TENM4: variants seen among roughly 807,000 people sequenced by gnomAD.
TENM4 encodes the protein teneurin-4.
In TENM4, 82 loss-of-function variants were observed where a neutral mutation model predicts 243.3. That is an observed-to-expected ratio of 0.34 (90% CI 0.28 to 0.40). TENM4 has a LOEUF of 0.40. TENM4 is among the 10% of genes least tolerant of loss of function. TENM4 has a pLI of 1.00. For synonymous variants in TENM4, 1,412 were observed against 1,456.3 expected, an observed-to-expected ratio of 0.97 and a Z score of 0.69; for missense variants, 3,138 against 3,673.3, an observed-to-expected ratio of 0.85 and a Z score of 3.77.
intron 3 of TENM4, among the ~76,000 whole-genome samples, chr11:79,164,377 T>A (rs1357722068): frequency 7.9e-6 from 1 of 126,722 alleles, no homozygotes; most frequent in African/African-American, 3.0e-5. Context: ...ATATAATATA[T>A]AGTGTATATA....
chr11:79,056,695 C>T (rs1008200330), intron 6 of TENM4, among the ~76,000 whole-genome samples: 2 of 152,254 alleles, frequency 1.3e-5, no homozygotes, highest in Middle Eastern at 3.4e-3. Flanking sequence ...GTGAGGGAGT[C>T]AGGCACCAAG....
chr11:79,218,357 C>T (rs1255824079), intron 2 of TENM4, among the ~76,000 whole-genome samples: 1 of 151,706 alleles, frequency 6.6e-6, no homozygotes, highest in Non-Finnish European at 1.5e-5. Context: ...TCCCCAAATG[C>T]CAAATGTCTG....
rs1486204118 is a variant in TENM4 at position 78,658,221 on chromosome 11, C to G, written c.8147G>C (p.Gly2716Ala). 10 of 1,613,996 alleles carry G rather than the reference C, an allele frequency of 6.2e-6. No individual in the cohort carries two copies. The East Asian group carries it at 2.2e-4, about 36-fold the overall frequency. The change falls in exon 34 of 34, where the codon GGC becomes GCC. Residue 2716 changes from glycine to alanine, a missense_variant. Around this residue, in one of 2 missense-constraint regions of TENM4, gnomAD observed 2,467 missense variants for 3,059.1 expected, o/e 0.81. Coordinates refer to ENST00000278550, the MANE Select transcript of TENM4 (RefSeq NM_001098816.3). Reference protein sequence around the residue: ...EQQRLREGEEGLRAWTEGEKQ... With the variant: ...EQQRLREGEEALRAWTEGEKQ... ...CTCCCCCTCTGTCCAGGCCCGCAGGCCTTCCTCCCCTTCCCGCAGTCTCTG... is the reference window on the plus strand; with the variant it reads ...CTCCCCCTCTGTCCAGGCCCGCAGGGCTTCCTCCCCTTCCCGCAGTCTCTG...
chr11:78,826,750 C>T (rs544279215), intron 12 of TENM4, among the ~76,000 whole-genome samples: 33 of 152,194 alleles, frequency 2.2e-4, no homozygotes, highest in African/African-American at 7.7e-4. Flanking sequence ...AAAATGAGGT[C>T]AAAGAAAAAT....
chr11:78,845,935 A>G (rs1858382381), intron 12 of TENM4, among the ~76,000 whole-genome samples: 1 of 152,210 alleles, frequency 6.6e-6, no homozygotes, highest in Non-Finnish European at 1.5e-5. Context: ...TGTTCTATAA[A>G]TAAGTCAGAT....
At chr11:79,419,899 G>A (rs1443552432) in intron 1 of TENM4, among the ~76,000 whole-genome samples, 2 of 152,130 alleles carry the variant, frequency 1.3e-5, no homozygotes, top group African/African-American at 4.8e-5. Flanking sequence ...CAAGATACAA[G>A]GTGGGTGCGG....
chr11:79,079,846 A>T (rs1387919441), intron 4 of TENM4, among the ~76,000 whole-genome samples: 31 of 151,854 alleles, frequency 2.0e-4, no homozygotes, highest in African/African-American at 5.8e-4. Context: ...AAAAAAAAAA[A>T]AAAGAAGAAA....
At chr11:79,268,245 T>G (rs1855912631) in intron 2 of TENM4, among the ~76,000 whole-genome samples, 1 of 152,226 alleles carries the variant, frequency 6.6e-6, no homozygotes, top group Non-Finnish European at 1.5e-5. Flanking sequence ...ATATGACCTC[T>G]GTTGCAACTA....
intron 32 of TENM4, among the ~76,000 whole-genome samples, chr11:78,668,044 G>C (rs1007931935): frequency 2.0e-5 from 3 of 152,234 alleles, no homozygotes; most frequent in African/African-American, 7.2e-5. Flanking sequence ...GGAAGGCAGA[G>C]CTCACTTTTC....
At chr11:78,977,387 C>T (rs1857686005) in intron 6 of TENM4, among the ~76,000 whole-genome samples, 1 of 152,212 alleles carries the variant, frequency 6.6e-6, no homozygotes, top group Admixed American at 6.5e-5. Flanking sequence ...TAGTGCTCAA[C>T]ACATAACACT....
At chr11:78,757,074 T>A in intron 18 of TENM4, 53 bp from the exon 19 acceptor site, 1 of 1,532,184 alleles carries the variant, frequency 6.5e-7, no homozygotes, top group Non-Finnish European at 8.9e-7. Flanking sequence ...ATCAGCCATG[T>A]TTATCCAGAA....
chr11:78,841,003 T>C (rs1858245859), intron 12 of TENM4, among the ~76,000 whole-genome samples: 1 of 152,206 alleles, frequency 6.6e-6, no homozygotes, highest in African/African-American at 2.4e-5. Flanking sequence ...GGTATAACAC[T>C]TAGCATGCTC....
intron 7 of TENM4, among the ~76,000 whole-genome samples, chr11:78,891,790 GCT>G (rs370324764): frequency 6.6e-6 from 1 of 151,986 alleles, no homozygotes; most frequent in Admixed American, 6.6e-5. Context: ...CAAAGCCTGT[GCT>G]CTCTCTCTCT....
chr11:79,192,541 T>G (rs1324221742), intron 3 of TENM4, among the ~76,000 whole-genome samples: 1 of 152,110 alleles, frequency 6.6e-6, no homozygotes, highest in Non-Finnish European at 1.5e-5. Flanking sequence ...GTGCAAGATG[T>G]GCTTTGTTAA....
chr11:79,125,034 G>C (rs2137142828), intron 4 of TENM4, among the ~76,000 whole-genome samples: 1 of 151,172 alleles, frequency 6.6e-6, no homozygotes, highest in East Asian at 2.0e-4. Context: ...GTATTTTGGT[G>C]GTTTCAGGGT....
chr11:79,300,207 AC>A (rs1304669167), intron 1 of TENM4, among the ~76,000 whole-genome samples: 1 of 152,172 alleles, frequency 6.6e-6, no homozygotes, highest in African/African-American at 2.4e-5. Flanking sequence ...CTCACCTAAC[AC>A]CATCAATATG....
intron 1 of TENM4, among the ~76,000 whole-genome samples, chr11:79,390,264 C>A (rs926250192): frequency 2.0e-5 from 3 of 152,198 alleles, no homozygotes; most frequent in Non-Finnish European, 4.4e-5. Context: ...ACAGAGCCAC[C>A]AGCACCATCC....
At chr11:79,354,161 C>T (rs1397542557) in intron 1 of TENM4, among the ~76,000 whole-genome samples, 1 of 152,322 alleles carries the variant, frequency 6.6e-6, no homozygotes, top group South Asian at 2.1e-4. Flanking sequence ...CATAAAAGTC[C>T]TTAACACTCT....
chr11:79,277,309 A>C, intron 2 of TENM4, among the ~76,000 whole-genome samples: 1 of 152,188 alleles, frequency 6.6e-6, no homozygotes, highest in East Asian at 1.9e-4. Flanking sequence ...GGGCACTAAC[A>C]GTTGTTGACG....
Sources: gnomAD v4.1 joint callset for allele counts (sites outside exome capture counted in the v4.1 genomes callset) on GRCh38, gnomAD v4.1.1 for gene constraint, gnomAD v4.1.1 regional missense constraint, MANE v1.5 for transcripts, NCBI Gene and HGNC (gene_info 2026-07-23, HGNC 2026-07-21) for gene names.